Variants in ADAMTS17 observed in about 807,000 individuals in gnomAD.
ADAMTS17 encodes the protein ADAM metallopeptidase with thrombospondin type 1 motif 17.
Under a neutral mutation model 141.5 loss-of-function variants are expected in ADAMTS17, and 113 were observed. The observed-to-expected ratio is 0.80, with a 90% CI of 0.69 to 0.93. ADAMTS17 has a LOEUF of 0.93. Ranked by LOEUF, ADAMTS17 falls within the 40% of genes least tolerant of loss-of-function variation. The pLI is 0.00. For missense variants in ADAMTS17, 1,659 were observed against 1,517.9 expected, an observed-to-expected ratio of 1.09 and a Z score of -1.54; for synonymous variants, 768 against 630.6, an observed-to-expected ratio of 1.22 and a Z score of -3.27.
intron 12 of ADAMTS17, among the ~76,000 whole-genome samples, chr15:100,125,100 C>T (rs781049516): frequency 3.3e-5 from 5 of 152,196 alleles, no homozygotes; most frequent in African/African-American, 4.8e-5. Flanking sequence ...AGACACAGGA[C>T]GCTCAGTACA....
intron 20 of ADAMTS17, among the ~76,000 whole-genome samples, chr15:99,983,594 G>A (rs2060524370): frequency 6.6e-6 from 1 of 152,196 alleles, no homozygotes; most frequent in African/African-American, 2.4e-5. Context: ...CTCAGGAAGA[G>A]GAAAACACTC....
intron 10 of ADAMTS17, among the ~76,000 whole-genome samples, chr15:100,148,241 T>A (rs1567255632): frequency 6.6e-6 from 1 of 152,244 alleles, no homozygotes; most frequent in Non-Finnish European, 1.5e-5. Flanking sequence ...CTGTTTTTCA[T>A]AAAACACAGT....
intron 2 of ADAMTS17, among the ~76,000 whole-genome samples, chr15:100,337,044 T>G (rs2046227898): frequency 6.6e-6 from 1 of 152,158 alleles, no homozygotes; most frequent in African/African-American, 2.4e-5. Flanking sequence ...CAGCTAATTT[T>G]TTGTATCTTT....
chr15:100,324,584 G>C (rs1424242551), intron 3 of ADAMTS17, among the ~76,000 whole-genome samples: 1 of 152,176 alleles, frequency 6.6e-6, no homozygotes, highest in East Asian at 1.9e-4. Context: ...AGTGAGAAGG[G>C]AAGCATAACT....
At chr15:100,198,244 TAA>T (rs1284228309) in intron 8 of ADAMTS17, among the ~76,000 whole-genome samples, 1 of 152,160 alleles carries the variant, frequency 6.6e-6, no homozygotes, top group South Asian at 2.1e-4. Flanking sequence ...ACCAGCATTT[TAA>T]AAAGTGAATT....
At chr15:100,291,505 G>C (rs1387106178) in intron 3 of ADAMTS17, among the ~76,000 whole-genome samples, 2 of 152,026 alleles carry the variant, frequency 1.3e-5, no homozygotes, top group Non-Finnish European at 2.9e-5. Flanking sequence ...ATACCCAAAG[G>C]AATATAAATC....
intron 7 of ADAMTS17, among the ~76,000 whole-genome samples, chr15:100,242,337 T>C (rs2042853309): frequency 6.6e-6 from 1 of 152,172 alleles, no homozygotes; most frequent in Admixed American, 6.5e-5. Flanking sequence ...ATGAGGACTG[T>C]CCGTTGTCCA....
Position 100,150,246 on chromosome 15 carries a change from C to A in ADAMTS17, c.1473+2366G>T, listed in dbSNP as rs186747264. Among the ~76,000 whole-genome samples the A allele has an allele frequency of 1.6e-3, 246 of 152,164 alleles. 1 individual carries two copies. The highest frequency in any genetic ancestry group is 5.7e-3 in the African/African-American group (236 of 41,492). The stretch of plus-strand genomic sequence containing the variant: ...AGCTGAGGGAATCATTGCTTGTTGC[C>A]CTCTAACTGAATTCCTCTCATGAAA... On this transcript the variant is annotated intron_variant, in intron 10 of 21. Coordinates refer to ENST00000268070, the MANE Select transcript of ADAMTS17 (RefSeq NM_139057.4).
At chr15:99,998,921 T>C (rs947760625) in intron 18 of ADAMTS17, among the ~76,000 whole-genome samples, 11 of 152,272 alleles carry the variant, frequency 7.2e-5, no homozygotes, top group Admixed American at 1.3e-4. Flanking sequence ...ACTCAGTTCC[T>C]CCTCATTAGT....
chr15:100,315,145 G>C (rs2045522025), intron 3 of ADAMTS17, among the ~76,000 whole-genome samples: 1 of 152,220 alleles, frequency 6.6e-6, no homozygotes, highest in Non-Finnish European at 1.5e-5. Flanking sequence ...GGAATGCTGG[G>C]CTGGAGGCCG....
At chr15:100,250,610 T>G in intron 7 of ADAMTS17, among the ~76,000 whole-genome samples, 1 of 152,230 alleles carries the variant, frequency 6.6e-6, no homozygotes. Flanking sequence ...CGCCGTGGAC[T>G]TCTGTTCCTG....
intron 3 of ADAMTS17, among the ~76,000 whole-genome samples, chr15:100,311,762 G>A (rs937309171): frequency 9.2e-5 from 14 of 151,884 alleles, no homozygotes; most frequent in African/African-American, 3.1e-4. Flanking sequence ...TATTCAAGAA[G>A]AGGTGCCTGC....
intron 12 of ADAMTS17, chr15:100,128,862 T>A (rs2037885813): frequency 6.6e-6 from 1 of 152,122 alleles, no homozygotes; most frequent in African/African-American, 2.4e-5. Flanking sequence ...AGGAAGCAGT[T>A]CAGATGGTGA....
intron 8 of ADAMTS17, among the ~76,000 whole-genome samples, chr15:100,162,914 GTGTATATATATAACTATATA>G (rs2039787021): frequency 7.0e-6 from 1 of 142,308 alleles, no homozygotes. Flanking sequence ...ATATGTATAT[GTGTATATATATAACTATATA>G]TGTATATATT....
intron 8 of ADAMTS17, among the ~76,000 whole-genome samples, chr15:100,176,298 C>T (rs1403927278): frequency 2.0e-5 from 3 of 152,120 alleles, no homozygotes; most frequent in African/African-American, 7.2e-5. Context: ...AGGAAGATGA[C>T]ATTTATGACA....
chr15:100,329,631 G>A (rs886116842), intron 3 of ADAMTS17, among the ~76,000 whole-genome samples: 19 of 151,784 alleles, frequency 1.3e-4, no homozygotes, highest in African/African-American at 4.4e-4. Context: ...GCTAGTAATT[G>A]TACGGGGTCT....
intron 15 of ADAMTS17, among the ~76,000 whole-genome samples, chr15:100,088,331 A>AT (rs1262042078): frequency 1.3e-5 from 2 of 152,208 alleles, no homozygotes; most frequent in African/African-American, 4.8e-5. Context: ...GCTCAATGAA[A>AT]TAAAAGAGGA....
intron 7 of ADAMTS17, among the ~76,000 whole-genome samples, chr15:100,216,469 G>A (rs370955196): frequency 3.3e-5 from 5 of 152,150 alleles, no homozygotes; most frequent in African/African-American, 9.7e-5. Context: ...CACCTTCACC[G>A]GCATCAGAGG....
intron 18 of ADAMTS17, among the ~76,000 whole-genome samples, chr15:100,012,886 T>C (rs756096320): frequency 1.3e-5 from 2 of 152,216 alleles, no homozygotes; most frequent in Non-Finnish European, 2.9e-5. Context: ...TGGTTCCATA[T>C]GAATTTTAGA....
Sources: allele counts gnomAD v4.1 joint callset (sites outside exome capture counted in the v4.1 genomes callset), GRCh38; gene constraint gnomAD v4.1.1; transcripts MANE v1.5; gene names NCBI Gene and HGNC (gene_info 2026-07-23, HGNC 2026-07-21).